The following CANX variants were observed in gnomAD, a reference collection of about 807,000 sequenced individuals.
CANX encodes epididymis secretory sperm binding protein.
In CANX, 14 loss-of-function variants were observed where a neutral mutation model predicts 75.7. The observed-to-expected ratio is 0.19, with a 90% CI of 0.12 to 0.29. CANX has a LOEUF of 0.29. Ranked by LOEUF, CANX falls within the 10% of genes least tolerant of loss-of-function variation. The pLI is 1.00. For missense variants in CANX, 567 were observed against 713.2 expected, an observed-to-expected ratio of 0.79 and a Z score of 2.34; for synonymous variants, 227 against 236.9, an observed-to-expected ratio of 0.96 and a Z score of 0.38.
intron 1 of CANX, among the ~76,000 whole-genome samples, chr5:179,692,137 C>T (rs563741057): frequency 2.7e-5 from 4 of 150,074 alleles, no homozygotes; most frequent in East Asian, 2.0e-4. Context: ...TGCAGTGGTG[C>T]GATCTCGGCT....
chr5:179,685,580 G>A (rs1216815349), intron 1 of CANX, among the ~76,000 whole-genome samples: 8 of 114,882 alleles, frequency 7.0e-5, no homozygotes, highest in African/African-American at 1.1e-4. Flanking sequence ...TTGAGATGGA[G>A]TTTCGCTCTT....
chr5:179,725,725 C>A (rs1236815168), intron 13 of CANX, among the ~76,000 whole-genome samples: 2 of 146,752 alleles, frequency 1.4e-5, no homozygotes, highest in African/African-American at 5.1e-5. Flanking sequence ...CATGGTGGCT[C>A]ACGCCTGTAA....
Position 179,707,309 on chromosome 5 carries a change from G to T in CANX, c.304+119G>T, listed in dbSNP as rs556754508. On this transcript the variant is annotated intron_variant, in intron 4 of 14. Transcript: ENST00000247461. Reference sequence around the variant, plus strand: ...TAGGCTTTAAGATTTTTCCAGCCAGGTGCGGTGGCTCACGCCTGTAATCCC... The same window carrying T: ...TAGGCTTTAAGATTTTTCCAGCCAGTTGCGGTGGCTCACGCCTGTAATCCC... The T allele has an allele frequency of 3.4e-4, 235 of 686,128 alleles. 1 individual carries two copies. In the South Asian group the frequency reaches 3.6e-3, roughly 10 times the overall value. The allele number at this position is 686,128 out of a possible 1,614,324, so 42.5% of individuals were successfully genotyped here. A position where few individuals can be genotyped will look rare whatever the true frequency, so the allele number is the denominator to read the frequency against.
intron 1 of CANX, among the ~76,000 whole-genome samples, chr5:179,685,741 G>C (rs1339948568): frequency 6.6e-6 from 1 of 151,768 alleles, no homozygotes; most frequent in African/African-American, 2.4e-5. Context: ...TTTTAGTAGA[G>C]GTGGGGTTTC....
At chr5:179,686,552 A>G (rs984771213) in intron 1 of CANX, among the ~76,000 whole-genome samples, 1 of 151,990 alleles carries the variant, frequency 6.6e-6, no homozygotes, top group African/African-American at 2.4e-5. Context: ...ATGGCTCACC[A>G]CAGCCTTGAC....
At chr5:179,698,965 G>A (rs900729964), upstream of CANX, 6 of 1,122,570 alleles carry the variant, frequency 5.3e-6, no homozygotes, top group African/African-American at 8.6e-5. Flanking sequence ...CGCTCGCGCG[G>A]CAGCGGTGGC....
intron 1 of CANX, chr5:179,700,865 C>CTT (rs530362570): frequency 3.3e-4 from 46 of 138,508 alleles, no homozygotes; most frequent in Admixed American, 7.3e-4. Context: ...GTGTGGTAAC[C>CTT]TTTTTTTTTT....
chr5:179,723,526 C>T (rs1778446235), intron 11 of CANX, 134 bp from the exon 12 acceptor site: 1 of 852,834 alleles, frequency 1.2e-6, no homozygotes, highest in East Asian at 2.7e-5. Context: ...TTCTTTTTTA[C>T]ATTTTATGAG....
intron 1 of CANX, among the ~76,000 whole-genome samples, chr5:179,681,842 A>ATTGG (rs1776071607): frequency 6.6e-6 from 1 of 151,864 alleles, no homozygotes; most frequent in Non-Finnish European, 1.5e-5. Context: ...CAGCTACTCA[A>ATTGG]GAGGCTGAGG....
intron 14 of CANX, among the ~76,000 whole-genome samples, chr5:179,727,483 G>C (rs1369534177): frequency 6.6e-6 from 1 of 152,188 alleles, no homozygotes; most frequent in Non-Finnish European, 1.5e-5. Flanking sequence ...CAGGCACAGA[G>C]AACAGCCAGT....
chr5:179,708,314 A>G lies in CANX; in HGVS notation c.380A>G (p.Lys127Arg). The G allele has an allele frequency of 6.2e-7, 1 of 1,613,902 alleles. No individual in the cohort carries two copies. The highest frequency in any genetic ancestry group is 8.5e-7 in the Non-Finnish European group (1 of 1,179,784). The change falls in exon 5 of 15, where the codon AAG (lysine) becomes AGG (arginine). Residue 127 changes from lysine (K) to arginine (R), a missense_variant. Transcript: ENST00000247461. ...DKGLVLMSRA[K>R]HHAISAKLNK... The stretch of plus-strand genomic sequence containing the variant: ...GGACTTGTGTTGATGTCTCGGGCCA[A>G]GCATCATGCCATCTCTGCTAAACTG...
In CANX at chr5:179,722,800, C is replaced by G; in HGVS notation, c.1183-4C>G. On this transcript the variant is annotated splice_region_variant and splice_polypyrimidine_tract_variant and intron_variant, in intron 10 of 14. Coordinates refer to ENST00000247461, the MANE Select transcript of CANX (RefSeq NM_001746.4). ...ATGATTTTCTGAAACATTTTTTTTT[C>G]TAGGGAATCTGGAAACCCAGGAAAA... 1 of 1,573,544 alleles carries G rather than the reference C, an allele frequency of 6.4e-7. No homozygotes were observed. The highest frequency in any genetic ancestry group is 2.2e-5 in the East Asian group (1 of 44,514).
chr5:179,722,675 C>T (rs1295245966), intron 10 of CANX, 129 bp from the exon 11 acceptor site: 3 of 627,494 alleles, frequency 4.8e-6, no homozygotes, highest in Admixed American at 5.8e-5. Flanking sequence ...TTTCCTGTTG[C>T]TTATTTCAAG....
Position 179,719,708 on chromosome 5 carries a change from A to G in CANX, c.952A>G (p.Thr318Ala), listed in dbSNP as rs1028893049. The change falls in exon 9 of 15, where the codon ACA becomes GCA. Residue 318 changes from threonine (T) to alanine (A), a missense_variant. By Grantham distance (58) the Thr-to-Ala change is moderately conservative. Transcript: ENST00000247461. ...APAKIPDEEA[T>A]KPEGWLDDEP... Reference sequence around the variant, plus strand: ...TGCTAAGATTCCAGATGAAGAGGCCACAAAACCCGAAGGCTGGTTAGATGA... The same window carrying G: ...TGCTAAGATTCCAGATGAAGAGGCCGCAAAACCCGAAGGCTGGTTAGATGA... The G allele has an allele frequency of 6.2e-7, 1 of 1,613,100 alleles. No individual in the cohort carries two copies. Among genetic ancestry groups the G allele is most frequent in the Non-Finnish European group, 8.5e-7 (1 of 1,179,558 alleles).
At chr5:179,679,410 C>T in intron 1 of CANX, 1 of 668,080 alleles carries the variant, frequency 1.5e-6, no homozygotes, top group Non-Finnish European at 2.5e-6. Flanking sequence ...CGTCGTTCCA[C>T]GCTGCACAGG....
chr5:179,679,200 T>A, intron 1 of CANX: 1 of 1,534,788 alleles, frequency 6.5e-7, no homozygotes, highest in Non-Finnish European at 8.7e-7. Context: ...CGCTGGCGAC[T>A]CGTGCTGCGC....
At position 179,716,044 on chromosome 5, in the gene CANX, A is replaced by T. The variant is rs993842719; in HGVS notation, c.722-61A>T. On this transcript the variant is annotated intron_variant, in intron 7 of 14. Coordinates refer to ENST00000247461, the MANE Select transcript of CANX (RefSeq NM_001746.4). ...CACGTTAGAAGTCATGATCTTTTGT[A>T]TTATGGTAAAGGGAGCTTGGAAAAT... 4 of 1,211,030 alleles carry T rather than the reference A, an allele frequency of 3.3e-6. No individual in the cohort carries two copies. In the African/African-American group the frequency reaches 6.0e-5, roughly 18 times the overall value. 75.0% of individuals were successfully genotyped at this position (1,211,030 alleles called of 1,614,324 possible).
chr5:179,679,417 C>G (rs1347979624), intron 1 of CANX: 3 of 642,612 alleles, frequency 4.7e-6, no homozygotes, highest in African/African-American at 1.8e-5. Context: ...CCACGCTGCA[C>G]AGGCAGCAGT....
chr5:179,712,718 C>G (rs770808091), intron 7 of CANX, among the ~76,000 whole-genome samples: 2 of 150,996 alleles, frequency 1.3e-5, no homozygotes, highest in African/African-American at 4.9e-5. Context: ...GCCACCGCGC[C>G]TGGACTACCT....
Sources: gnomAD v4.1 joint callset for allele counts (sites outside exome capture counted in the v4.1 genomes callset) on GRCh38, gnomAD v4.1.1 for gene constraint, MANE v1.5 for transcripts, NCBI Gene and HGNC (gene_info 2026-07-23, HGNC 2026-07-21) for gene names.